Variants in PARVA observed in about 807,000 individuals in gnomAD.
PARVA encodes alpha-parvin.
A neutral mutation model predicts 52.6 loss-of-function variants in PARVA; 25 were observed. That is an observed-to-expected ratio of 0.48 (90% CI 0.35 to 0.66). The LOEUF (loss-of-function observed/expected upper bound fraction) is 0.66, where lower values mean the gene tolerates loss of function less well. Among genes scored for constraint, PARVA ranks in the 30% least tolerant of loss-of-function variants. The pLI is 0.01. For synonymous variants in PARVA, 185 were observed against 179.1 expected, an observed-to-expected ratio of 1.03 and a Z score of -0.26; for missense variants, 373 against 450.9, an observed-to-expected ratio of 0.83 and a Z score of 1.56.
upstream of PARVA, chr11:12,377,449 T>C: frequency 7.2e-7 from 1 of 1,393,708 alleles, no homozygotes; most frequent in Non-Finnish European, 9.2e-7. Context: ...GCGCAGCTCC[T>C]TCCAGGGCAG....
At chr11:12,520,868 G>A (rs755488495) in intron 12 of PARVA, among the ~76,000 whole-genome samples, 19 of 152,038 alleles carry the variant, frequency 1.2e-4, no homozygotes, top group Admixed American at 7.2e-4. Context: ...GGAAGGGATC[G>A]CTTGAGCCTG....
rs1368642226 is a variant in PARVA at position 12,528,060 on chromosome 11, T to C, written c.*135T>C. On this transcript the variant is annotated 3_prime_UTR_variant, in exon 13 of 13. Coordinates refer to ENST00000334956, the MANE Select transcript of PARVA (RefSeq NM_018222.5). ...CACAAGTCCAGCTGCAACCCAGAGA[T>C]AGTGGAAACTGAAATTAGGAAGGAA... 12 of 711,256 alleles carry C rather than the reference T, an allele frequency of 1.7e-5. No homozygotes were observed. The East Asian group carries it at 1.7e-4, about 10-fold the overall frequency. The allele number at this position is 711,256 out of a possible 1,614,324, so 44.1% of individuals were successfully genotyped here. A position where few individuals can be genotyped will look rare whatever the true frequency, so the allele number is the denominator to read the frequency against.
chr11:12,388,934 T>G (rs1287218609), intron 1 of PARVA, among the ~76,000 whole-genome samples: 1 of 152,092 alleles, frequency 6.6e-6, no homozygotes, highest in East Asian at 1.9e-4. Flanking sequence ...TTACTTTGGG[T>G]AGAGTCCTAA....
intron 1 of PARVA, among the ~76,000 whole-genome samples, chr11:12,440,168 G>T (rs1940443874): frequency 6.6e-6 from 1 of 152,174 alleles, no homozygotes; most frequent in African/African-American, 2.4e-5. Context: ...TGAATAAATG[G>T]CCAACGACCA....
chr11:12,513,618 A>G (rs1941531032), intron 9 of PARVA: 3 of 637,642 alleles, frequency 4.7e-6, no homozygotes, highest in Non-Finnish European at 8.6e-6. Flanking sequence ...AGCCTTCCCC[A>G]CTCCTCACAG....
At chr11:12,414,360 G>T (rs918831136) in intron 1 of PARVA, among the ~76,000 whole-genome samples, 9 of 152,028 alleles carry the variant, frequency 5.9e-5, no homozygotes, top group African/African-American at 2.2e-4. Flanking sequence ...ATTCTGAGAA[G>T]TTTGAGTGGT....
At chr11:12,394,458 T>C (rs1196223584) in intron 1 of PARVA, among the ~76,000 whole-genome samples, 1 of 152,226 alleles carries the variant, frequency 6.6e-6, no homozygotes, top group African/African-American at 2.4e-5. Context: ...GATGTTTTGG[T>C]TATCTTACCA....
chr11:12,533,908 CCTGTAATCCCA>C lies in PARVA; in HGVS notation c.*5984_*5994del, dbSNP rs1479763056. Reference sequence around the variant, plus strand: ...CATGGGCCGAGCACGGTGGCTCACACCTGTAATCCCAGCACTTTGGGAGGCCGAGACGGACA... The same window carrying C: ...CATGGGCCGAGCACGGTGGCTCACACGCACTTTGGGAGGCCGAGACGGACA... On this transcript the variant is annotated 3_prime_UTR_variant, in exon 13 of 13. Coordinates refer to ENST00000334956, the MANE Select transcript of PARVA (RefSeq NM_018222.5). 6.6e-6 allele frequency among the ~76,000 whole-genome samples: 1 copy of C among 151,914 alleles called. No individual in the cohort carries two copies. The highest frequency in any genetic ancestry group is 1.5e-5 in the Non-Finnish European group (1 of 68,000).
chr11:12,530,735 G>A lies in PARVA; in HGVS notation c.*2810G>A, dbSNP rs1472321384. On this transcript the variant is annotated 3_prime_UTR_variant, in exon 13 of 13. Coordinates refer to ENST00000334956, the MANE Select transcript of PARVA (RefSeq NM_018222.5). ...TACACTTTGTTTTTTATCACTTAAT[G>A]TTATATCTTGGATATTGTATTACCC... 7.5e-6 allele frequency: 1 copy of A among 132,644 alleles called. No homozygotes were observed. The highest frequency in any genetic ancestry group is 1.7e-5 in the Non-Finnish European group (1 of 59,280). The allele number at this position is 132,644 out of a possible 1,614,324, so 8.2% of individuals were successfully genotyped here.
intron 1 of PARVA, among the ~76,000 whole-genome samples, chr11:12,457,250 C>A (rs1469139646): frequency 6.6e-6 from 1 of 152,172 alleles, no homozygotes; most frequent in Non-Finnish European, 1.5e-5. Flanking sequence ...ACTACAATTT[C>A]TTTTAATAGG....
rs1301195428 is a variant in PARVA, at chr11:12,531,334, T to C, written c.*3409T>C. 6.6e-6 allele frequency among the ~76,000 whole-genome samples: 1 copy of C among 152,200 alleles called. No individual in the cohort carries two copies. Among genetic ancestry groups the C allele is most frequent in the African/African-American group, 2.4e-5 (1 of 41,442 alleles). On this transcript the variant is annotated 3_prime_UTR_variant, in exon 13 of 13. Transcript: ENST00000334956. ...TATGAATTACTGTTAGCTTGCATTA[T>C]CATCAGTTTGTTTTGTTGTGGGTTG...
intron 1 of PARVA, among the ~76,000 whole-genome samples, chr11:12,404,113 T>A (rs1939868769): frequency 6.6e-6 from 1 of 152,136 alleles, no homozygotes; most frequent in Non-Finnish European, 1.5e-5. Context: ...TCTTTTTTTT[T>A]TTTTAATCAC....
Position 12,477,748 on chromosome 11 carries a change from T to A in PARVA, c.298-99T>A, listed in dbSNP as rs908558559. ...AATGAAACTTAAAATCTAAAGTTAA[T>A]TTGGATTTTAATTGTTTAGGATAAG... On this transcript the variant is annotated intron_variant, in intron 3 of 12. Transcript: ENST00000334956. The A allele has an allele frequency of 1.8e-5, 13 of 704,106 alleles. No homozygotes were observed. In the Admixed American group the frequency reaches 2.7e-4, roughly 14 times the overall value. The allele number at this position is 704,106 out of a possible 1,614,324, so 43.6% of individuals were successfully genotyped here.
intron 4 of PARVA, among the ~76,000 whole-genome samples, chr11:12,494,071 A>G (rs895020732): frequency 6.6e-6 from 1 of 152,232 alleles, no homozygotes; most frequent in African/African-American, 2.4e-5. Context: ...ACTTAGGTTT[A>G]CTAGTCTATT....
intron 4 of PARVA, chr11:12,478,566 C>T (rs777447578): frequency 2.0e-4 from 34 of 169,170 alleles, no homozygotes; most frequent in Middle Eastern, 2.9e-3. Flanking sequence ...CTCAGATTCT[C>T]GACTTCAATC....
chr11:12,445,836 C>T (rs1190063866), intron 1 of PARVA, among the ~76,000 whole-genome samples: 2 of 152,204 alleles, frequency 1.3e-5, no homozygotes, highest in Admixed American at 1.3e-4. Context: ...CATGAGAACA[C>T]TGGCATTTGT....
chr11:12,493,223 G>A (rs182549262), intron 4 of PARVA, among the ~76,000 whole-genome samples: 2 of 151,976 alleles, frequency 1.3e-5, no homozygotes, highest in African/African-American at 4.8e-5. Context: ...GGGCGTGGTG[G>A]TGCATGCCTG....
rs571685194 is a variant in PARVA, at chr11:12,389,494, A to G, written c.136+11711A>G. 3.9e-5 allele frequency among the ~76,000 whole-genome samples: 6 copies of G among 152,286 alleles called. No homozygotes were observed. The East Asian group carries it at 7.7e-4, about 20-fold the overall frequency. The stretch of plus-strand genomic sequence containing the variant: ...CTTCTGAGTTCTTGGACTTACCCCA[A>G]ACTTGGCAATTACAGACACATGGGA... On this transcript the variant is annotated intron_variant, in intron 1 of 12. Transcript: ENST00000334956.
At chr11:12,425,186 A>G (rs1564843784) in intron 1 of PARVA, among the ~76,000 whole-genome samples, 1 of 152,180 alleles carries the variant, frequency 6.6e-6, no homozygotes, top group Non-Finnish European at 1.5e-5. Context: ...AGAGGACAGA[A>G]CTTTCCCTAA....
Sources: gnomAD v4.1 joint callset for allele counts (sites outside exome capture counted in the v4.1 genomes callset) on GRCh38, gnomAD v4.1.1 for gene constraint, MANE v1.5 for transcripts, NCBI Gene and HGNC (gene_info 2026-07-23, HGNC 2026-07-21) for gene names.